The following ARF3 variants were observed in gnomAD, a reference collection of about 807,000 sequenced individuals.
ARF3 encodes ARF GTPase 3, also known as ADP-ribosylation factor 3.
Under a neutral mutation model 19.3 loss-of-function variants are expected in ARF3, and 5 were observed. The observed-to-expected ratio is 0.26, with a 90% confidence interval of 0.14 to 0.54. ARF3 has a LOEUF of 0.54. Among genes scored for constraint, ARF3 ranks in the 20% least tolerant of loss-of-function variants. ARF3 has a pLI of 0.95. For missense variants in ARF3, 77 were observed against 234.2 expected (o/e 0.33, Z 4.38); for synonymous variants, 71 against 89.2 (o/e 0.80, Z 1.15).
intron 1 of ARF3, among the ~76,000 whole-genome samples, chr12:48,955,250 C>T (rs1465772922): frequency 1.3e-5 from 2 of 152,166 alleles, no homozygotes; most frequent in Non-Finnish European, 2.9e-5. Flanking sequence ...TACTTGCATT[C>T]AGTATAATAA....
At chr12:48,947,842 G>A (rs1471647089) in intron 1 of ARF3, among the ~76,000 whole-genome samples, 1 of 152,096 alleles carries the variant, frequency 6.6e-6, no homozygotes, top group Non-Finnish European at 1.5e-5. Flanking sequence ...ACCTGAGCTG[G>A]CTCCTAAAGG....
intron 1 of ARF3, among the ~76,000 whole-genome samples, chr12:48,945,857 T>G (rs1940349637): frequency 6.6e-6 from 1 of 152,194 alleles, no homozygotes; most frequent in Non-Finnish European, 1.5e-5. Flanking sequence ...CAGGCTGGAG[T>G]GCAGAGGCAG....
At chr12:48,943,388 G>C (rs1940299861) in intron 1 of ARF3, among the ~76,000 whole-genome samples, 1 of 152,138 alleles carries the variant, frequency 6.6e-6, no homozygotes, top group South Asian at 2.1e-4. Context: ...TGTGTCAGCG[G>C]GCAGCTTATT....
chr12:48,945,044 G>A (rs1038469549), intron 1 of ARF3, among the ~76,000 whole-genome samples: 1 of 151,012 alleles, frequency 6.6e-6, no homozygotes, highest in Non-Finnish European at 1.5e-5. Flanking sequence ...GGAAGCCGAG[G>A]CAGGAGAACC....
At chr12:48,953,320 C>T (rs1940500850) in intron 1 of ARF3, 1 of 152,066 alleles carries the variant, frequency 6.6e-6, no homozygotes, top group Non-Finnish European at 1.5e-5. Flanking sequence ...TAATTATACC[C>T]CACCCCCATT....
chr12:48,948,975 T>G (rs975398123), intron 1 of ARF3, among the ~76,000 whole-genome samples: 2 of 152,170 alleles, frequency 1.3e-5, no homozygotes, highest in East Asian at 3.8e-4. Context: ...GCACAGACAC[T>G]GCTTAGGAGG....
At chr12:48,943,568 G>C (rs572691481) in intron 1 of ARF3, among the ~76,000 whole-genome samples, 2 of 152,130 alleles carry the variant, frequency 1.3e-5, no homozygotes, top group African/African-American at 4.8e-5. Flanking sequence ...AACGCATGGG[G>C]GTTTGGTGGG....
intron 1 of ARF3, among the ~76,000 whole-genome samples, chr12:48,952,674 A>T (rs1940490436): frequency 6.6e-6 from 1 of 152,260 alleles, no homozygotes; most frequent in African/African-American, 2.4e-5. Flanking sequence ...TTAAACAGGA[A>T]GACATGATGT....
At chr12:48,949,215 T>A (rs138229972) in intron 1 of ARF3, among the ~76,000 whole-genome samples, 10 of 152,194 alleles carry the variant, frequency 6.6e-5, no homozygotes, top group African/African-American at 2.4e-4. Flanking sequence ...TGAATATGTA[T>A]GTTTGTTTGT....
chr12:48,938,605 A>C lies in ARF3; in HGVS notation c.*342T>G, dbSNP rs947632130. 6.6e-6 allele frequency: 3 copies of C among 455,184 alleles called. No homozygotes were observed. The highest frequency in any genetic ancestry group is 5.9e-5 in the African/African-American group (3 of 50,512). The allele number at this position is 455,184 out of a possible 1,614,324, so 28.2% of individuals were successfully genotyped here. On this transcript the variant is annotated 3_prime_UTR_variant, in exon 5 of 5. Transcript: ENST00000256682. ...GGACAGGGAAAGGACTCAGATGCCA[A>C]GAGGACAGCAACCACTGCCAAACAA...
intron 1 of ARF3, among the ~76,000 whole-genome samples, chr12:48,942,244 CTTTT>C (rs780786823): frequency 7.3e-6 from 1 of 136,728 alleles, no homozygotes; most frequent in African/African-American, 2.7e-5. Flanking sequence ...TGCCTCAAAG[CTTTT>C]TTTTTTTTTT....
intron 1 of ARF3, among the ~76,000 whole-genome samples, chr12:48,943,931 C>A (rs973095092): frequency 6.6e-6 from 1 of 152,206 alleles, no homozygotes; most frequent in African/African-American, 2.4e-5. Flanking sequence ...CCTCAACCCA[C>A]CCAGGTGGAC....
In ARF3 at chr12:48,940,086, T is replaced by C; in HGVS notation, c.170A>G (p.Glu57Gly). Reference sequence around the variant, plus strand: ...CACTGTAAAGCTGATGTTCTTATACTCCACTGTCTCCACATTGAACCCTTT... The same window carrying C: ...CACTGTAAAGCTGATGTTCTTATACCCCACTGTCTCCACATTGAACCCTTT... ...PTIGFNVETV[E>G]YKNISFTVWD... Residue 57 changes from glutamate (E) to glycine (G), a missense_variant, in exon 3 of 5, where the codon GAG becomes GGG. This residue lies in a region of ARF3 where 15 missense variants were observed against 96.6 expected (regional missense o/e 0.16). Coordinates refer to ENST00000256682, the MANE Select transcript of ARF3 (RefSeq NM_001659.3). The C allele has an allele frequency of 6.2e-7, 1 of 1,612,554 alleles. No individual in the cohort carries two copies. Among genetic ancestry groups the C allele is most frequent in the Non-Finnish European group, 8.5e-7 (1 of 1,179,618 alleles).
At chr12:48,949,888 G>A (rs1457606251) in intron 1 of ARF3, among the ~76,000 whole-genome samples, 3 of 152,082 alleles carry the variant, frequency 2.0e-5, no homozygotes, top group Admixed American at 6.6e-5. Flanking sequence ...CTCTTGTCCA[G>A]CCTTTGGATG....
At chr12:48,946,709 C>T (rs1469175667) in intron 1 of ARF3, among the ~76,000 whole-genome samples, 1 of 152,270 alleles carries the variant, frequency 6.6e-6, no homozygotes, top group Non-Finnish European at 1.5e-5. Context: ...GGACAACTCA[C>T]TGCTCCCACC....
intron 1 of ARF3, among the ~76,000 whole-genome samples, chr12:48,950,453 C>T (rs2137592052): frequency 6.6e-6 from 1 of 152,276 alleles, no homozygotes; most frequent in South Asian, 2.1e-4. Context: ...TCCCAAAGTT[C>T]TGGGATTACA....
rs756805154 is a variant in ARF3 at position 48,940,139 on chromosome 12, G to C, written c.149-32C>G. The C allele has an allele frequency of 2.0e-5, 32 of 1,580,180 alleles. No homozygotes were observed. The East Asian group carries it at 6.7e-4, about 33-fold the overall frequency. ...AAAAAAAACAGGCAATGGCCACTTG[G>C]CCTCAAACACTAGCCCCGCAAACAC... On this transcript the variant is annotated intron_variant, in intron 2 of 4. Transcript: ENST00000256682.
At position 48,954,082 on chromosome 12, in the gene ARF3, G is replaced by A. The variant is rs142839791; in HGVS notation, c.-94+3228C>T. Among the ~76,000 whole-genome samples, 5 of 152,286 alleles carry A rather than the reference G, an allele frequency of 3.3e-5. No individual in the cohort carries two copies. The East Asian group carries it at 9.6e-4, about 29-fold the overall frequency. On this transcript the variant is annotated intron_variant, in intron 1 of 4. Coordinates refer to ENST00000256682, the MANE Select transcript of ARF3 (RefSeq NM_001659.3). ...TAAATCCCTGACCTAGGTCATCAGG[G>A]TGCTCTTTTCTGGAAGAGTGAACCA...
chr12:48,943,728 T>A (rs1254504978), intron 1 of ARF3, among the ~76,000 whole-genome samples: 1 of 152,172 alleles, frequency 6.6e-6, no homozygotes, highest in Non-Finnish European at 1.5e-5. Flanking sequence ...CAATGAGTGC[T>A]TATGAAGTGT....
Sources: allele counts gnomAD v4.1 joint callset (sites outside exome capture counted in the v4.1 genomes callset), GRCh38; gene constraint gnomAD v4.1.1; regional missense constraint gnomAD v4.1.1; transcripts MANE v1.5; gene names NCBI Gene and HGNC (gene_info 2026-07-23, HGNC 2026-07-21).